The following PDE4B variants were observed in gnomAD, a reference collection of about 807,000 sequenced individuals.
The protein encoded by PDE4B is 3',5'-cyclic-AMP phosphodiesterase 4B.
A neutral mutation model predicts 82.2 loss-of-function variants in PDE4B; 20 were observed. That is an observed-to-expected ratio of 0.24 (90% CI 0.17 to 0.35). The LOEUF (loss-of-function observed/expected upper bound fraction) is 0.35. Among genes scored for constraint, PDE4B ranks in the 10% least tolerant of loss-of-function variants. PDE4B has a pLI of 1.00. For missense variants in PDE4B, 655 were observed against 907.2 expected, an observed-to-expected ratio of 0.72 and a Z score of 3.57; for synonymous variants, 320 against 318.9, an observed-to-expected ratio of 1.00 and a Z score of -0.04.
At chr1:65,861,000 C>T (rs939773089) in intron 1 of PDE4B, among the ~76,000 whole-genome samples, 1 of 152,122 alleles carries the variant, frequency 6.6e-6, no homozygotes, top group African/African-American at 2.4e-5. Context: ...TGTAGGTTGC[C>T]TGTTCAGTCT....
chr1:66,257,752 T>G (rs1355792967), intron 5 of PDE4B, 41 bp from the exon 6 acceptor site: 1 of 1,608,538 alleles, frequency 6.2e-7, no homozygotes, highest in South Asian at 1.1e-5. Context: ...TGGCCATTTG[T>G]CTTCTTTTGT....
Position 65,887,414 on chromosome 1 carries a change from G to GTTTTTTT in PDE4B, c.-70-25813_-70-25807dup, listed in dbSNP as rs34263724. On this transcript the variant is annotated intron_variant, in intron 1 of 16. Transcript: ENST00000341517. Reference sequence around the variant, plus strand: ...TTTTCTTTCTTTTTCTTTTTCTTCTGTTTTTTTTTTTTTTTTTTTTTTTTA... The same window carrying GTTTTTTT: ...TTTTCTTTCTTTTTCTTTTTCTTCTGTTTTTTTTTTTTTTTTTTTTTTTTTTTTTTTA... Among the ~76,000 whole-genome samples the GTTTTTTT allele has an allele frequency of 6.5e-4, 5 of 7,734 alleles. 2 individuals are homozygous for GTTTTTTT. The highest frequency in any genetic ancestry group is 3.0e-3 in the African/African-American group (4 of 1,322). The allele number at this position is 7,734 out of a possible 152,430, so 5.1% of individuals were successfully genotyped here.
At chr1:65,886,795 A>G (rs1325145011) in intron 1 of PDE4B, among the ~76,000 whole-genome samples, 1 of 152,160 alleles carries the variant, frequency 6.6e-6, no homozygotes, top group Non-Finnish European at 1.5e-5. Flanking sequence ...GCTTAGGTGG[A>G]TTCCATATCT....
intron 6 of PDE4B, among the ~76,000 whole-genome samples, chr1:66,262,908 C>T (rs1013804848): frequency 5.3e-5 from 8 of 152,190 alleles, no homozygotes; most frequent in African/African-American, 1.9e-4. Flanking sequence ...GAATTAGGCA[C>T]TGTGATTTGA....
rs376791143 is a variant in PDE4B, at chr1:65,930,716, C to T, written c.281+11881C>T. Among the ~76,000 whole-genome samples, 152 of 152,376 alleles carry T rather than the reference C, an allele frequency of 1.0e-3. No homozygotes were observed. The Middle Eastern group carries it at 0.01, about 10-fold the overall frequency. Reference sequence around the variant, plus strand: ...AGTATTTACCCAATGACTATACCCCCATTGTATCTTGGAGGTAACTAACTT... The same window carrying T: ...AGTATTTACCCAATGACTATACCCCTATTGTATCTTGGAGGTAACTAACTT... On this transcript the variant is annotated intron_variant, in intron 3 of 16. Coordinates refer to ENST00000341517, the MANE Select transcript of PDE4B (RefSeq NM_002600.4).
At chr1:66,188,296 A>G (rs555962436) in intron 3 of PDE4B, among the ~76,000 whole-genome samples, 1 of 151,376 alleles carries the variant, frequency 6.6e-6, no homozygotes, top group African/African-American at 2.4e-5. Flanking sequence ...TGGTGCTGAA[A>G]AGAATGTATA....
intron 2 of PDE4B, among the ~76,000 whole-genome samples, chr1:65,914,036 A>G (rs113737957): frequency 1.3e-4 from 20 of 152,134 alleles, no homozygotes; most frequent in Non-Finnish European, 2.5e-4. Context: ...CAATTGACCA[A>G]TCCTTCATTA....
chr1:66,182,460 T>C (rs768648548), intron 3 of PDE4B, among the ~76,000 whole-genome samples: 13 of 152,222 alleles, frequency 8.5e-5, no homozygotes, highest in Non-Finnish European at 1.8e-4. Flanking sequence ...AAGCATTCTC[T>C]TATTTAATTC....
chr1:66,150,715 C>T (rs1256445028), intron 3 of PDE4B, among the ~76,000 whole-genome samples: 2 of 152,226 alleles, frequency 1.3e-5, no homozygotes, highest in Non-Finnish European at 2.9e-5. Flanking sequence ...TCCATTATAT[C>T]CCTACTTTGT....
chr1:65,896,987 A>G (rs545084543), intron 1 of PDE4B, among the ~76,000 whole-genome samples: 2 of 152,304 alleles, frequency 1.3e-5, no homozygotes, highest in South Asian at 2.1e-4. Context: ...AATGAAGAGC[A>G]TGAGACTTAA....
At chr1:65,867,344 A>G (rs554937395) in intron 1 of PDE4B, among the ~76,000 whole-genome samples, 16 of 152,220 alleles carry the variant, frequency 1.1e-4, no homozygotes, top group South Asian at 2.1e-4. Flanking sequence ...ATTATTTCCA[A>G]TTCTGTTCAA....
chr1:66,087,347 T>A (rs4357502), intron 3 of PDE4B, among the ~76,000 whole-genome samples: 113,553 of 151,954 alleles, frequency 0.75, 43,360 homozygotes, highest in Non-Finnish European at 0.84. Context: ...GGTTGTTTGT[T>A]TTTTTCTTCT....
At chr1:66,350,319 C>T (rs952633990) in intron 8 of PDE4B, among the ~76,000 whole-genome samples, 4 of 152,132 alleles carry the variant, frequency 2.6e-5, no homozygotes, top group African/African-American at 7.2e-5. Context: ...TGGGCTCCTG[C>T]GTAGACGGCC....
chr1:66,224,548 G>A (rs750958021), intron 3 of PDE4B, among the ~76,000 whole-genome samples: 81 of 152,182 alleles, frequency 5.3e-4, no homozygotes, highest in Admixed American at 2.2e-3. Flanking sequence ...GTGAAACCCC[G>A]TCTCTACTAA....
At chr1:65,921,276 A>T (rs981094248) in intron 3 of PDE4B, among the ~76,000 whole-genome samples, 3 of 152,066 alleles carry the variant, frequency 2.0e-5, no homozygotes, top group Non-Finnish European at 4.4e-5. Flanking sequence ...CCCTAAAAGC[A>T]TTTCTGAACA....
chr1:66,284,044 T>C (rs1402754997), intron 7 of PDE4B, among the ~76,000 whole-genome samples: 1 of 152,198 alleles, frequency 6.6e-6, no homozygotes, highest in Admixed American at 6.6e-5. Flanking sequence ...CATGGTTTCT[T>C]CTTTGGGAGA....
intron 3 of PDE4B, among the ~76,000 whole-genome samples, chr1:65,935,109 G>C (rs1318894498): frequency 2.0e-5 from 3 of 152,086 alleles, no homozygotes; most frequent in Admixed American, 2.0e-4. Context: ...CACATGTCAG[G>C]TCACAAAACA....
At chr1:66,125,426 T>C (rs998973719) in intron 3 of PDE4B, among the ~76,000 whole-genome samples, 4 of 152,214 alleles carry the variant, frequency 2.6e-5, no homozygotes, top group Non-Finnish European at 4.4e-5. Context: ...CCTTCCAAAG[T>C]GCTGGGATTA....
At chr1:65,817,469 T>C (rs1645899962) in intron 1 of PDE4B, among the ~76,000 whole-genome samples, 1 of 152,234 alleles carries the variant, frequency 6.6e-6, no homozygotes, top group South Asian at 2.1e-4. Flanking sequence ...GGCTTGCTGA[T>C]GGGGTCCCAA....
Sources: allele counts gnomAD v4.1 joint callset (sites outside exome capture counted in the v4.1 genomes callset), GRCh38; gene constraint gnomAD v4.1.1; transcripts MANE v1.5; gene names NCBI Gene and HGNC (gene_info 2026-07-23, HGNC 2026-07-21).